Variants in TRA2A observed in about 807,000 individuals in gnomAD.
TRA2A encodes transformer-2 protein homolog alpha.
TRA2A carries 31 observed loss-of-function variants against 45.7 expected under a neutral mutation model. The ratio of observed to expected loss-of-function variants is 0.68; its 90% CI spans 0.51 to 0.92. The LOEUF (loss-of-function observed/expected upper bound fraction) is 0.92. TRA2A is among the 40% of genes least tolerant of loss of function. The pLI, the probability that TRA2A is intolerant of heterozygous loss-of-function variation, is 0.00. For synonymous variants in TRA2A, 132 were observed against 126.2 expected (o/e 1.05, Z -0.31); for missense variants, 304 against 367.5 (o/e 0.83, Z 1.41).
intron 4 of TRA2A, among the ~76,000 whole-genome samples, chr7:23,511,951 C>T (rs1789640676): frequency 6.6e-6 from 1 of 152,116 alleles, no homozygotes; most frequent in African/African-American, 2.4e-5. Context: ...CAAAATTAAA[C>T]ATATCAAACC....
chr7:23,512,252 A>G (rs1386738275), intron 4 of TRA2A, among the ~76,000 whole-genome samples: 1 of 152,130 alleles, frequency 6.6e-6, no homozygotes, highest in Non-Finnish European at 1.5e-5. Flanking sequence ...CTGTAAACCC[A>G]GCATTCTGGG....
At chr7:23,506,079 G>C in intron 6 of TRA2A, 59 bp downstream of exon 6, 1 of 1,424,568 alleles carries the variant, frequency 7.0e-7, no homozygotes, top group Admixed American at 2.0e-5. Context: ...CAACATAAAA[G>C]TGCCAAGTAA....
intron 2 of TRA2A, among the ~76,000 whole-genome samples, chr7:23,520,537 T>C (rs1045488981): frequency 3.3e-5 from 5 of 152,308 alleles, no homozygotes; most frequent in South Asian, 2.1e-4. Context: ...GAAAACAGTA[T>C]GGTTGCTAAC....
chr7:23,506,287 T>G, intron 5 of TRA2A, 21 bp from the exon 6 acceptor site: 1 of 1,585,570 alleles, frequency 6.3e-7, no homozygotes, highest in Non-Finnish European at 8.6e-7. Context: ...ATGTAAAAAT[T>G]CTCCATTAGT....
intron 4 of TRA2A, 86 bp from the exon 5 acceptor site, chr7:23,507,621 A>G (rs1789404029): frequency 2.1e-6 from 2 of 940,588 alleles, no homozygotes; most frequent in Non-Finnish European, 1.7e-6. Context: ...AGTATATGTA[A>G]TCCAAATAAA....
chr7:23,517,867 G>T (rs1297326833), intron 2 of TRA2A, among the ~76,000 whole-genome samples: 1 of 151,940 alleles, frequency 6.6e-6, no homozygotes, highest in Non-Finnish European at 1.5e-5. Flanking sequence ...AGCTGAGATC[G>T]TGCCACTGCA....
chr7:23,510,335 T>C (rs905171930), intron 4 of TRA2A, among the ~76,000 whole-genome samples: 6 of 152,206 alleles, frequency 3.9e-5, no homozygotes, highest in Non-Finnish European at 8.8e-5. Context: ...TTTTTTTCTT[T>C]TCTTTTTGAG....
chr7:23,512,953 T>C lies in TRA2A; in HGVS notation c.466A>G (p.Thr156Ala). ...AAAGCAAATCCTCGAGATCGCCCAG[T>C]TCGCTGATCATAAACCACATTGACA... ...SGVNVVYDQR[T>A]GRSRGFAFVY... Residue 156 changes from threonine to alanine, a missense_variant, in exon 4 of 8, where the codon ACT becomes GCT. Coordinates refer to ENST00000297071, the MANE Select transcript of TRA2A (RefSeq NM_013293.5). The C allele has an allele frequency of 6.2e-7, 1 of 1,613,854 alleles. No individual in the cohort carries two copies. Among genetic ancestry groups the C allele is most frequent in the Non-Finnish European group, 8.5e-7 (1 of 1,179,972 alleles).
At chr7:23,507,272 TA>T (rs1789386300) in intron 5 of TRA2A, 147 bp downstream of exon 5, 3 of 623,920 alleles carry the variant, frequency 4.8e-6, no homozygotes, top group African/African-American at 1.8e-5. Flanking sequence ...GCTGATTTTT[TA>T]TTTTTTTTTA....
rs150401815 is a variant in TRA2A at position 23,518,841 on chromosome 7, A to G, written c.171-2313T>C. Among the ~76,000 whole-genome samples, 51 of 151,056 alleles carry G rather than the reference A, an allele frequency of 3.4e-4. No homozygotes were observed. In the East Asian group the frequency reaches 9.4e-3, roughly 28 times the overall value. On this transcript the variant is annotated intron_variant, in intron 2 of 7. Transcript: ENST00000297071. ...CTGGGAACTACGGGCCTGTGCCACC[A>G]CACCTGGCAAATTTTTTGTATTTTT...
chr7:23,526,682 T>A (rs1006639740), intron 1 of TRA2A, among the ~76,000 whole-genome samples: 3 of 152,166 alleles, frequency 2.0e-5, no homozygotes, highest in African/African-American at 7.2e-5. Flanking sequence ...TCCATTATCT[T>A]CTTAAACCGT....
At chr7:23,523,734 C>G (rs966106199) in intron 1 of TRA2A, among the ~76,000 whole-genome samples, 4 of 152,198 alleles carry the variant, frequency 2.6e-5, no homozygotes, top group Non-Finnish European at 5.9e-5. Context: ...ATGTCTGGAG[C>G]AGGCATAGCA....
At chr7:23,513,344 G>A (rs1039626881) in intron 3 of TRA2A, among the ~76,000 whole-genome samples, 2 of 152,170 alleles carry the variant, frequency 1.3e-5, no homozygotes, top group African/African-American at 4.8e-5. Context: ...TGTTCATAAT[G>A]TATCCTGAAA....
intron 5 of TRA2A, 168 bp from the exon 6 acceptor site, chr7:23,506,434 T>C: frequency 1.3e-6 from 1 of 784,318 alleles, no homozygotes; most frequent in Non-Finnish European, 1.9e-6. Context: ...CTGGTTTGCC[T>C]TATTCCCTAC....
chr7:23,506,177 C>T lies in TRA2A; in HGVS notation c.731G>A (p.Arg244His), dbSNP rs1562784222. The T allele has an allele frequency of 1.9e-6, 3 of 1,613,414 alleles. No individual in the cohort carries two copies. The highest frequency in any genetic ancestry group is 2.2e-5 in the East Asian group (1 of 44,880). ...RDSYYDRGYDRGYDRYEDYDY... is the reference protein window; with the variant it reads ...RDSYYDRGYDHGYDRYEDYDY... ...ATAGTCTTCATATCTGTCATACCCA[C>T]GATCATATCCTCTATCATAGTAAGA... Residue 244 changes from arginine to histidine, a missense_variant, in exon 6 of 8, where the codon CGT becomes CAT. Coordinates refer to ENST00000297071, the MANE Select transcript of TRA2A (RefSeq NM_013293.5).
At chr7:23,518,553 G>A (rs1245385321) in intron 2 of TRA2A, among the ~76,000 whole-genome samples, 1 of 152,010 alleles carries the variant, frequency 6.6e-6, no homozygotes, top group East Asian at 1.9e-4. Context: ...ATGTTGGCCA[G>A]GTTGGTCTCG....
intron 5 of TRA2A, 73 bp from the exon 6 acceptor site, chr7:23,506,339 G>A: frequency 1.4e-6 from 2 of 1,390,184 alleles, no homozygotes; most frequent in Non-Finnish European, 1.9e-6. Flanking sequence ...CAAATTGAAT[G>A]GCTTAAAAAA....
rs755162872 is a variant in TRA2A, at chr7:23,521,849, G to T, written c.37-9C>A. On this transcript the variant is annotated splice_polypyrimidine_tract_variant and intron_variant, in intron 1 of 7. Transcript: ENST00000297071. ...GACTGAGAGCGAGACTCCTAACAAA[G>T]AAGACAGTATTACAAATGGCACTGG... is the stretch of plus-strand genomic sequence containing the variant. 6.2e-7 allele frequency: 1 copy of T among 1,613,978 alleles called. No individual in the cohort carries two copies. Among genetic ancestry groups the T allele is most frequent in the Non-Finnish European group, 8.5e-7 (1 of 1,179,990 alleles).
intron 4 of TRA2A, 29 bp downstream of exon 4, chr7:23,512,865 A>G: frequency 6.5e-7 from 1 of 1,537,978 alleles, no homozygotes; most frequent in Non-Finnish European, 8.9e-7. Flanking sequence ...ATTCAGTACT[A>G]TAATCAGGCA....
Sources: allele counts gnomAD v4.1 joint callset (sites outside exome capture counted in the v4.1 genomes callset), GRCh38; gene constraint gnomAD v4.1.1; transcripts MANE v1.5; gene names NCBI Gene and HGNC (gene_info 2026-07-23, HGNC 2026-07-21).